The following PARP4 variants were observed in gnomAD, a reference collection of about 807,000 sequenced individuals.
The protein encoded by PARP4 is protein mono-ADP-ribosyltransferase PARP4.
In PARP4, 120 loss-of-function variants were observed where a neutral mutation model predicts 187.7. The observed-to-expected ratio is 0.64, with a 90% CI of 0.55 to 0.74. The LOEUF is 0.74. PARP4 is among the 30% of genes least tolerant of loss of function. PARP4 has a pLI of 0.00. For synonymous variants in PARP4, 654 were observed against 740.9 expected, an observed-to-expected ratio of 0.88 and a Z score of 1.90; for missense variants, 1,836 against 2,070.5, an observed-to-expected ratio of 0.89 and a Z score of 2.20.
At chr13:24,423,819 A>G (rs1869883013) in intron 33 of PARP4, among the ~76,000 whole-genome samples, 1 of 151,934 alleles carries the variant, frequency 6.6e-6, no homozygotes, top group South Asian at 2.1e-4. Context: ...GTCACACACT[A>G]CCACACTCGG....
rs9581036 is a variant in PARP4 at position 24,435,524 on chromosome 13, A to G, written c.3667-50T>C. The G allele has an allele frequency of 6.1e-3, 9,199 of 1,509,194 alleles. 474 individuals are homozygous for G. The African/African-American group carries it at 0.11, about 18-fold the overall frequency. 93.5% of individuals were successfully genotyped at this position (1,509,194 alleles called of 1,614,324 possible). ...CGTAAGGGGAAAACACAGAATAAAA[A>G]GAACAATCAAGCAAACATTCTTCCT... On this transcript the variant is annotated intron_variant, in intron 30 of 33. Transcript: ENST00000381989.
Position 24,449,825 on chromosome 13 carries a change from C to T in PARP4, c.3015-8G>A, listed in dbSNP as rs1272635394. The T allele has an allele frequency of 1.3e-6, 2 of 1,519,588 alleles. No individual in the cohort carries two copies. The highest frequency in any genetic ancestry group is 3.4e-5 in the Admixed American group (2 of 58,224). 94.1% of individuals were successfully genotyped at this position (1,519,588 alleles called of 1,614,324 possible). ...TGACGATTTGCTGTAGAACTGATCA[C>T]ATTTCACATGTTTTAATTTTGAAGA... is the stretch of plus-strand genomic sequence containing the variant. On this transcript the variant is annotated splice_polypyrimidine_tract_variant and splice_region_variant and intron_variant, in intron 24 of 33. Transcript: ENST00000381989.
At chr13:24,464,153 C>T (rs1218375437) in intron 17 of PARP4, among the ~76,000 whole-genome samples, 2 of 152,064 alleles carry the variant, frequency 1.3e-5, no homozygotes, top group Non-Finnish European at 2.9e-5. Context: ...AGAGAGGACA[C>T]GAACAAATGG....
chr13:24,453,633 T>C lies in PARP4; in HGVS notation c.2780A>G (p.Tyr927Cys), dbSNP rs757799451. 1.3e-5 allele frequency: 21 copies of C among 1,606,076 alleles called. No homozygotes were observed. In the Admixed American group the frequency reaches 1.8e-4, roughly 14 times the overall value. The change falls in exon 23 of 34, where the codon TAT becomes TGT. Residue 927 changes from tyrosine (Y) to cysteine (C), a missense_variant. Tyr to Cys is a radical substitution (Grantham distance 194). Coordinates refer to ENST00000381989, the MANE Select transcript of PARP4 (RefSeq NM_006437.4). ...FGTGYKELFS[Y>C]PKHITSNTMA... is the part of the protein sequence containing the mutation. ...GGTATTGCTTGTGATATGCTTAGGA[T>C]ACGAAAATAGCTCCTTGTAACCTGT...
chr13:24,493,721 C>T lies in PARP4; in HGVS notation c.754G>A (p.Glu252Lys), dbSNP rs1412595068. Residue 252 changes from glutamate (E) to lysine (K), a missense_variant, in exon 8 of 34, where the codon GAA becomes AAA. Physicochemically the swap from Glu to Lys is moderately conservative, Grantham distance 56. Transcript: ENST00000381989. The stretch of plus-strand genomic sequence containing the variant: ...CTCAGAGTGCTTGAATTCATGACTT[C>T]CTCCAAAAGCAACTACAATAATAAA... ...SEQLQALLLE[E>K]VMNSSTLSQE... The T allele has an allele frequency of 6.2e-7, 1 of 1,613,322 alleles. No homozygotes were observed. The highest frequency in any genetic ancestry group is 2.2e-5 in the East Asian group (1 of 44,872).
At chr13:24,468,775 C>T (rs1461693877) in intron 17 of PARP4, among the ~76,000 whole-genome samples, 2 of 152,172 alleles carry the variant, frequency 1.3e-5, no homozygotes, top group African/African-American at 4.8e-5. Context: ...GTCATTCCTT[C>T]TGGGAAACTC....
intron 30 of PARP4, among the ~76,000 whole-genome samples, chr13:24,439,025 G>A (rs1372438391): frequency 6.6e-6 from 1 of 152,040 alleles, no homozygotes; most frequent in East Asian, 1.9e-4. Flanking sequence ...TCAAGCTAAT[G>A]GATAATATTT....
chr13:24,456,347 T>G lies in PARP4; in HGVS notation c.2556A>C (p.Glu852Asp). ...RMWVEKHPEK[E>D]SEACMLVFQP... is the part of the protein sequence containing the mutation. The stretch of plus-strand genomic sequence containing the variant: ...TAAGTAAAAAGGAGTATACCTCGCT[T>G]TCTTTTTCTGGATGTTTTTCAACCC... The change falls in exon 21 of 34, where the codon GAA becomes GAC. Residue 852 changes from glutamate to aspartate, a missense_variant. This residue lies in a region of PARP4 where 1,147 missense variants were observed against 1,214.2 expected (regional missense o/e 0.94). Transcript: ENST00000381989. The G allele has an allele frequency of 6.2e-7, 1 of 1,607,432 alleles. No individual in the cohort carries two copies. Among genetic ancestry groups the G allele is most frequent in the South Asian group, 1.1e-5 (1 of 90,664 alleles).
chr13:24,464,653 G>A lies in PARP4; in HGVS notation c.2133+4371C>T, dbSNP rs117027932. ...ACTTACACAAAAAATAACTCGATAC[G>A]GACTAAAGACTTAAATATAAAACCA... On this transcript the variant is annotated intron_variant, in intron 17 of 33. Transcript: ENST00000381989. Among the ~76,000 whole-genome samples, 1,061 of 152,088 alleles carry A rather than the reference G, an allele frequency of 7.0e-3. 7 individuals are homozygous for A. The highest frequency in any genetic ancestry group is 0.012 in the Non-Finnish European group (828 of 67,964).
chr13:24,495,462 G>A (rs1868892827), intron 6 of PARP4, among the ~76,000 whole-genome samples: 1 of 152,206 alleles, frequency 6.6e-6, no homozygotes, highest in South Asian at 2.1e-4. Flanking sequence ...TGAAATCACA[G>A]CCAGTAGACA....
At position 24,447,143 on chromosome 13, in the gene PARP4, G is replaced by T; in HGVS notation, c.3158C>A (p.Ser1053Tyr). The T allele has an allele frequency of 6.2e-7, 1 of 1,613,190 alleles. No individual in the cohort carries two copies. Among genetic ancestry groups the T allele is most frequent in the Non-Finnish European group, 8.5e-7 (1 of 1,179,480 alleles). ...MTRLCSPSCH[S>Y]VSVKWQQLNP... ...GAGTTGCTGCCATTTGACGGAGACA[G>T]AGTGGCAACTCGGAGAACATAGCCT... is the stretch of plus-strand genomic sequence containing the variant. The change falls in exon 26 of 34, where the codon TCT (serine) becomes TAT (tyrosine). Residue 1053 changes from serine (S) to tyrosine (Y), a missense_variant. This residue lies in a region of PARP4 where 56 missense variants were observed against 103.7 expected (regional missense o/e 0.54). Transcript: ENST00000381989.
Position 24,490,041 on chromosome 13 carries a change from G to A in PARP4, c.1214+627C>T, listed in dbSNP as rs75842449. 4.9e-3 allele frequency among the ~76,000 whole-genome samples: 743 copies of A among 152,262 alleles called. 7 individuals are homozygous for A. Among genetic ancestry groups the A allele is most frequent in the African/African-American group, 0.017 (714 of 41,560 alleles). ...ACTGCTGCAATGGAATGAACCACCA[G>A]GTCAAAAGAGTCAGTCCCATGCTTG... On this transcript the variant is annotated intron_variant, in intron 10 of 33. Coordinates refer to ENST00000381989, the MANE Select transcript of PARP4 (RefSeq NM_006437.4).
At chr13:24,468,590 G>C (rs1041919173) in intron 17 of PARP4, among the ~76,000 whole-genome samples, 6 of 152,066 alleles carry the variant, frequency 3.9e-5, no homozygotes, top group African/African-American at 1.4e-4. Flanking sequence ...CTTTTAGTAA[G>C]AGGGGGTTTC....
chr13:24,490,433 C>T (rs979375086), intron 10 of PARP4, among the ~76,000 whole-genome samples: 16 of 152,086 alleles, frequency 1.1e-4, no homozygotes, highest in Non-Finnish European at 2.2e-4. Context: ...TAAATTTAAC[C>T]CTCAACAAGA....
At chr13:24,425,134 T>C (rs867982880) in intron 33 of PARP4, among the ~76,000 whole-genome samples, 12 of 152,036 alleles carry the variant, frequency 7.9e-5, no homozygotes, top group Admixed American at 5.2e-4. Context: ...AAGCCCCTTC[T>C]TTACAAAAAT....
intron 30 of PARP4, among the ~76,000 whole-genome samples, chr13:24,435,916 CAAAA>C (rs56254149): frequency 1.1e-5 from 1 of 87,930 alleles, no homozygotes; most frequent in East Asian, 3.1e-4. Flanking sequence ...TATTCTGTCT[CAAAA>C]AAAAAAAAAA....
rs781098285 is a variant in PARP4, at chr13:24,501,767, T to C, written c.200A>G (p.Asn67Ser). The C allele has an allele frequency of 2.5e-6, 4 of 1,612,818 alleles. No homozygotes were observed. Among genetic ancestry groups the C allele is most frequent in the Admixed American group, 1.7e-5 (1 of 60,022 alleles). ...SQYQLNSIQK[N>S]HVHIANPDFI... ...ATCTGGGTTTGCAATATGAACGTGG[T>C]TCTTTTGGATAGAATTCAGTTGGTA... The change falls in exon 3 of 34, where the codon AAC becomes AGC. Residue 67 changes from asparagine to serine, a missense_variant. Coordinates refer to ENST00000381989, the MANE Select transcript of PARP4 (RefSeq NM_006437.4).
intron 17 of PARP4, among the ~76,000 whole-genome samples, 153 bp from the exon 18 acceptor site, chr13:24,460,289 C>T (rs1270109167): frequency 6.6e-6 from 1 of 152,216 alleles, no homozygotes; most frequent in African/African-American, 2.4e-5. Flanking sequence ...ATTGGTGGGG[C>T]TAACGGAGAA....
At position 24,501,633 on chromosome 13, in the gene PARP4, C is replaced by T. The variant is rs1869288111; in HGVS notation, c.334G>A (p.Glu112Lys). ...PPPDQKASSS[E>K]VKTEGLCPDS... ...TAAATGCTTGCTATGAAATACCTAC[C>T]AGAACTGCTCGCCTTCTGATCAGGA... The change falls in exon 3 of 34, where the codon GAA (glutamate) becomes AAA (lysine). Residue 112 changes from glutamate (E) to lysine (K), a missense_variant and splice_region_variant. By Grantham distance (56) the Glu-to-Lys change is moderately conservative. Transcript: ENST00000381989. 2 of 1,608,016 alleles carry T rather than the reference C, an allele frequency of 1.2e-6. No homozygotes were observed. The highest frequency in any genetic ancestry group is 1.7e-6 in the Non-Finnish European group (2 of 1,174,564).
Sources: allele counts gnomAD v4.1 joint callset (sites outside exome capture counted in the v4.1 genomes callset), GRCh38; gene constraint gnomAD v4.1.1; regional missense constraint gnomAD v4.1.1; transcripts MANE v1.5; gene names NCBI Gene and HGNC (gene_info 2026-07-23, HGNC 2026-07-21).